Variants in CDH8 observed in about 807,000 individuals in gnomAD.
The protein encoded by CDH8 is cadherin-8.
Under a neutral mutation model 68.1 loss-of-function variants are expected in CDH8, and 17 were observed. The ratio of observed to expected loss-of-function variants is 0.25; its 90% CI spans 0.17 to 0.37. The LOEUF (loss-of-function observed/expected upper bound fraction) is 0.37, where lower values mean the gene tolerates loss of function less well. Ranked by LOEUF, CDH8 falls within the 10% of genes least tolerant of loss-of-function variation. The pLI is 1.00. For missense variants in CDH8, 763 were observed against 999.3 expected (o/e 0.76, Z 3.19); for synonymous variants, 372 against 365.1 (o/e 1.02, Z -0.21).
chr16:61,714,088 G>T (rs1299035066), intron 9 of CDH8, 130 bp from the exon 10 acceptor site: 2 of 701,168 alleles, frequency 2.9e-6, no homozygotes, highest in East Asian at 2.5e-5. Context: ...TTTCTAAATT[G>T]TCATGGATGG....
At chr16:61,721,368 T>G (rs1246669124) in intron 9 of CDH8, among the ~76,000 whole-genome samples, 3 of 150,958 alleles carry the variant, frequency 2.0e-5, no homozygotes, top group Non-Finnish European at 4.5e-5. Flanking sequence ...AGATATATTA[T>G]GAAAGATGCC....
chr16:61,962,038 A>G (rs1371355492), intron 2 of CDH8, among the ~76,000 whole-genome samples: 1 of 152,240 alleles, frequency 6.6e-6, no homozygotes, highest in East Asian at 1.9e-4. Context: ...AATAAGCTAG[A>G]GAAAAGAAAT....
chr16:61,917,456 C>T (rs1448838392), intron 2 of CDH8, among the ~76,000 whole-genome samples: 1 of 152,080 alleles, frequency 6.6e-6, no homozygotes. Context: ...GTCCTGTTCC[C>T]CAGGTTATAA....
intron 5 of CDH8, among the ~76,000 whole-genome samples, chr16:61,822,665 G>T (rs1962243445): frequency 6.6e-6 from 1 of 151,834 alleles, no homozygotes. Context: ...CACAAGGTAG[G>T]CACTGAAAAT....
Position 61,650,522 on chromosome 16 carries a change from A to T in CDH8, c.*3086T>A, listed in dbSNP as rs1336963429. On this transcript the variant is annotated 3_prime_UTR_variant, in exon 12 of 12. Coordinates refer to ENST00000577390, the MANE Select transcript of CDH8 (RefSeq NM_001796.5). ...ATATAGTCATTTCAATAAAGTTTTT[A>T]AAATGTGTTATTTAACAAATTGAGC... The T allele has an allele frequency of 6.6e-6, 1 of 152,170 alleles. No individual in the cohort carries two copies. The highest frequency in any genetic ancestry group is 1.5e-5 in the Non-Finnish European group (1 of 68,032). The allele number at this position is 152,170 out of a possible 1,614,324, so 9.4% of individuals were successfully genotyped here. A position where few individuals can be genotyped will look rare whatever the true frequency, so the allele number is the denominator to read the frequency against.
intron 3 of CDH8, among the ~76,000 whole-genome samples, chr16:61,893,947 G>A (rs1337411112): frequency 6.6e-6 from 1 of 152,138 alleles, no homozygotes; most frequent in African/African-American, 2.4e-5. Flanking sequence ...AGCTCTCATA[G>A]TAATCATTAA....
intron 2 of CDH8, among the ~76,000 whole-genome samples, chr16:61,979,776 T>C (rs185316536): frequency 1.3e-5 from 2 of 152,294 alleles, no homozygotes; most frequent in African/African-American, 4.8e-5. Context: ...CATTAATGTA[T>C]TCCCCAAACA....
chr16:61,875,564 C>T (rs1054186894), intron 3 of CDH8, among the ~76,000 whole-genome samples: 84 of 152,252 alleles, frequency 5.5e-4, no homozygotes, highest in Non-Finnish European at 8.8e-5. Flanking sequence ...TGTTATATAA[C>T]GCTTTCACTT....
chr16:61,698,195 C>T (rs1438175098), intron 10 of CDH8, among the ~76,000 whole-genome samples: 2 of 152,126 alleles, frequency 1.3e-5, no homozygotes, highest in East Asian at 1.9e-4. Context: ...TCCCTTTGAG[C>T]CCACGTATAA....
intron 9 of CDH8, among the ~76,000 whole-genome samples, chr16:61,715,061 G>A (rs1964699860): frequency 6.6e-6 from 1 of 151,530 alleles, no homozygotes; most frequent in Non-Finnish European, 1.5e-5. Context: ...TCAAGCACAT[G>A]TTATATGATA....
chr16:61,892,295 T>G (rs1217892548), intron 3 of CDH8, among the ~76,000 whole-genome samples: 8 of 152,174 alleles, frequency 5.3e-5, no homozygotes, highest in Non-Finnish European at 8.8e-5. Context: ...TCTCTAGAGC[T>G]TTTGTGGAGT....
intron 4 of CDH8, among the ~76,000 whole-genome samples, chr16:61,846,123 C>T (rs1032533839): frequency 2.6e-5 from 4 of 152,116 alleles, no homozygotes; most frequent in Non-Finnish European, 4.4e-5. Context: ...CTGTACCCAA[C>T]ATTCCTGAAT....
chr16:61,808,264 G>T lies in CDH8; in HGVS notation c.1277+9215C>A, dbSNP rs939320817. On this transcript the variant is annotated intron_variant, in intron 7 of 11. Transcript: ENST00000577390. The stretch of plus-strand genomic sequence containing the variant: ...GAAGAGATTACAGTGAAGGGACTAG[G>T]GTTTGGCTAAGGCAGTCAACAGCCT... 2.0e-5 allele frequency among the ~76,000 whole-genome samples: 3 copies of T among 152,070 alleles called. No homozygotes were observed. In the South Asian group the frequency reaches 6.2e-4, roughly 32 times the overall value.
At chr16:61,771,396 A>T (rs1287037434) in intron 8 of CDH8, among the ~76,000 whole-genome samples, 1 of 151,164 alleles carries the variant, frequency 6.6e-6, no homozygotes. Context: ...GAGATACTCA[A>T]ATATGAACCA....
intron 10 of CDH8, among the ~76,000 whole-genome samples, chr16:61,667,991 C>T (rs146174614): frequency 6.6e-6 from 1 of 151,976 alleles, no homozygotes; most frequent in East Asian, 1.9e-4. Context: ...TATTAAAGCT[C>T]AAGGATAAGA....
intron 8 of CDH8, among the ~76,000 whole-genome samples, chr16:61,779,518 C>A (rs1960993047): frequency 6.6e-6 from 1 of 151,096 alleles, no homozygotes; most frequent in Non-Finnish European, 1.5e-5. Flanking sequence ...ATTCCTGAAA[C>A]TCTCCCTTGA....
At chr16:61,793,369 C>T (rs1455912137) in intron 7 of CDH8, among the ~76,000 whole-genome samples, 1 of 151,736 alleles carries the variant, frequency 6.6e-6, no homozygotes, top group Non-Finnish European at 1.5e-5. Context: ...GGTCTTAAGC[C>T]TAGTATCCAT....
At position 61,897,551 on chromosome 16, in the gene CDH8, T is replaced by A. The variant is rs1963890262; in HGVS notation, c.547+3628A>T. Among the ~76,000 whole-genome samples the A allele has an allele frequency of 3.3e-5, 5 of 152,216 alleles. 1 individual carries two copies. The highest frequency in any genetic ancestry group is 4.8e-5 in the African/African-American group (2 of 41,450). ...GCAGTTTTCTTTCTTAACATATTTATAAGACACATGACTTACATACACAGA... is the reference window on the plus strand; with the variant it reads ...GCAGTTTTCTTTCTTAACATATTTAAAAGACACATGACTTACATACACAGA... On this transcript the variant is annotated intron_variant, in intron 3 of 11. Coordinates refer to ENST00000577390, the MANE Select transcript of CDH8 (RefSeq NM_001796.5).
In CDH8 at chr16:61,762,147, C is replaced by T. The variant is rs571304469; in HGVS notation, c.1414+27199G>A. ...TGGTGGACTTCCTCTGGGCATTGCC[C>T]GTGGTGGTGTATACATAAACTTACA... On this transcript the variant is annotated intron_variant, in intron 8 of 11. Coordinates refer to ENST00000577390, the MANE Select transcript of CDH8 (RefSeq NM_001796.5). Among the ~76,000 whole-genome samples, 376 of 152,206 alleles carry T rather than the reference C, an allele frequency of 2.5e-3. 3 individuals carry two copies. The highest frequency in any genetic ancestry group is 4.7e-3 in the Non-Finnish European group (319 of 68,010).
Sources: allele counts gnomAD v4.1 joint callset (sites outside exome capture counted in the v4.1 genomes callset), GRCh38; gene constraint gnomAD v4.1.1; transcripts MANE v1.5; gene names NCBI Gene and HGNC (gene_info 2026-07-23, HGNC 2026-07-21).